SLIT3: variants seen among roughly 807,000 people sequenced by gnomAD.
SLIT3 encodes the protein slit homolog 3 protein.
Under a neutral mutation model 184.0 loss-of-function variants are expected in SLIT3, and 68 were observed. The observed-to-expected ratio is 0.37, with a 90% CI of 0.30 to 0.45. SLIT3 has a LOEUF of 0.45. Ranked by LOEUF, SLIT3 falls within the 20% of genes least tolerant of loss-of-function variation. The pLI is 1.00. For missense variants in SLIT3, 1,707 were observed against 2,026.0 expected, an observed-to-expected ratio of 0.84 and a Z score of 3.02; for synonymous variants, 831 against 828.6, an observed-to-expected ratio of 1.00 and a Z score of -0.05.
intron 25 of SLIT3, among the ~76,000 whole-genome samples, chr5:168,709,834 T>G (rs1294034426): frequency 6.6e-6 from 1 of 151,936 alleles, no homozygotes. Context: ...AAAAGGAGTT[T>G]TTTTTTTTTA....
intron 5 of SLIT3, among the ~76,000 whole-genome samples, chr5:168,846,404 C>G (rs1460186843): frequency 6.6e-6 from 1 of 152,088 alleles, no homozygotes; most frequent in Admixed American, 6.5e-5. Flanking sequence ...TGCTAAGCCT[C>G]TTTTTCATAG....
intron 4 of SLIT3, among the ~76,000 whole-genome samples, chr5:168,960,020 G>A (rs1475403428): frequency 2.0e-5 from 3 of 152,210 alleles, no homozygotes; most frequent in Non-Finnish European, 4.4e-5. Flanking sequence ...TCAGTCATGG[G>A]CAGGCAGGCT....
intron 14 of SLIT3, 50 bp downstream of exon 14, chr5:168,772,731 C>T (rs1438516337): frequency 6.2e-7 from 1 of 1,605,130 alleles, no homozygotes. Context: ...CTCTCTGGGG[C>T]TGCTGCATTC....
intron 4 of SLIT3, among the ~76,000 whole-genome samples, chr5:168,928,400 A>G (rs1007077271): frequency 6.6e-6 from 1 of 152,214 alleles, no homozygotes; most frequent in Non-Finnish European, 1.5e-5. Context: ...ATTATTTGAA[A>G]AACAGTTGTT....
At chr5:168,990,798 G>C (rs560110405) in intron 4 of SLIT3, among the ~76,000 whole-genome samples, 2 of 152,198 alleles carry the variant, frequency 1.3e-5, no homozygotes, top group Non-Finnish European at 2.9e-5. Context: ...CAGTCTGCAA[G>C]AACACGCTCC....
At chr5:169,263,715 C>T (rs1232404235) in intron 1 of SLIT3, 1 of 509,912 alleles carries the variant, frequency 2.0e-6, no homozygotes, top group South Asian at 1.4e-5. Context: ...GCAGCCTCCC[C>T]CAGCTGCTCC....
intron 4 of SLIT3, among the ~76,000 whole-genome samples, chr5:168,990,216 C>T (rs116818263): frequency 1.2e-3 from 188 of 152,322 alleles, no homozygotes; most frequent in African/African-American, 4.2e-3. Flanking sequence ...AGCATAGCCA[C>T]GAGCCACCTT....
Position 168,806,540 on chromosome 5 carries a change from G to A in SLIT3, c.841C>T (p.Pro281Ser), listed in dbSNP as rs771927308. The part of the protein sequence containing the change: ...PSCNANSISC[P>S]SPCTCSNNIV... ...TTATTGCTGCACGTGCAGGGCGAAG[G>A]GCAGGAGATGGAGTTGGCATTGCAG... Residue 281 changes from proline (P) to serine (S), a missense_variant, in exon 9 of 36, where the codon CCT becomes TCT. Pro to Ser is a moderately conservative substitution (Grantham distance 74, BLOSUM62 -1). Coordinates refer to ENST00000519560, the MANE Select transcript of SLIT3 (RefSeq NM_003062.4). 2.5e-6 allele frequency: 4 copies of A among 1,614,182 alleles called. No homozygotes were observed. The South Asian group carries it at 4.4e-5, about 18-fold the overall frequency.
At chr5:168,800,012 ATC>A (rs923050565) in intron 9 of SLIT3, among the ~76,000 whole-genome samples, 6 of 151,800 alleles carry the variant, frequency 4.0e-5, no homozygotes, top group African/African-American at 7.2e-5. Context: ...ACTCTTTCCC[ATC>A]TCTCTCAGCC....
chr5:168,938,142 A>G (rs77241477), intron 4 of SLIT3, among the ~76,000 whole-genome samples: 13,027 of 152,292 alleles, frequency 0.086, 1,270 homozygotes, highest in African/African-American at 0.24. Context: ...TTGGAGGAAG[A>G]GTGAACTTCT....
intron 1 of SLIT3, among the ~76,000 whole-genome samples, chr5:169,299,337 T>C (rs1767607386): frequency 6.6e-6 from 1 of 151,986 alleles, no homozygotes; most frequent in African/African-American, 2.4e-5. Flanking sequence ...GGTGGGGTGA[T>C]AGGAGGTGAC....
intron 5 of SLIT3, among the ~76,000 whole-genome samples, chr5:168,867,256 T>A (rs549442639): frequency 6.6e-6 from 1 of 152,144 alleles, no homozygotes; most frequent in Non-Finnish European, 1.5e-5. Context: ...TAAAAAACAA[T>A]TAGAGAAAAA....
intron 4 of SLIT3, among the ~76,000 whole-genome samples, chr5:169,110,818 T>C (rs1760383282): frequency 6.6e-6 from 1 of 152,214 alleles, no homozygotes; most frequent in African/African-American, 2.4e-5. Context: ...CAAACCCTTA[T>C]TCTACAGCCA....
Position 168,947,975 on chromosome 5 carries a change from G to A in SLIT3, c.414-64639C>T, listed in dbSNP as rs1762537572. Among the ~76,000 whole-genome samples, 6 of 130,816 alleles carry A rather than the reference G, an allele frequency of 4.6e-5. No homozygotes were observed. In the South Asian group the frequency reaches 1.4e-3, roughly 32 times the overall value. 85.8% of individuals were successfully genotyped at this position (130,816 alleles called of 152,430 possible). ...CCGGCTAATTTTTGTATTTTTAGTA[G>A]AGATGGGGGTCTCGCCATGTTGGCC... On this transcript the variant is annotated intron_variant, in intron 4 of 35. Coordinates refer to ENST00000519560, the MANE Select transcript of SLIT3 (RefSeq NM_003062.4).
chr5:169,181,797 C>T (rs981769890), intron 4 of SLIT3, among the ~76,000 whole-genome samples: 2 of 151,634 alleles, frequency 1.3e-5, no homozygotes, highest in African/African-American at 4.9e-5. Flanking sequence ...ATCCACAATA[C>T]AGTTTCACAA....
At chr5:168,871,407 C>T (rs932771095) in intron 5 of SLIT3, among the ~76,000 whole-genome samples, 4 of 151,970 alleles carry the variant, frequency 2.6e-5, no homozygotes, top group Admixed American at 6.6e-5. Context: ...CGGTTAATAG[C>T]GGAGCTGGGA....
intron 4 of SLIT3, among the ~76,000 whole-genome samples, chr5:169,071,781 C>T (rs190473221): frequency 6.6e-6 from 1 of 152,268 alleles, no homozygotes; most frequent in East Asian, 1.9e-4. Context: ...TGCTTGGCCT[C>T]TTGTTCAGGA....
At chr5:169,131,405 T>C (rs1294693689) in intron 4 of SLIT3, among the ~76,000 whole-genome samples, 2 of 152,146 alleles carry the variant, frequency 1.3e-5, no homozygotes, top group East Asian at 1.9e-4. Context: ...GACCCAGCAA[T>C]AGGTATTCTA....
At chr5:169,140,561 T>C (rs921597805) in intron 4 of SLIT3, among the ~76,000 whole-genome samples, 11 of 150,460 alleles carry the variant, frequency 7.3e-5, no homozygotes, top group African/African-American at 2.7e-4. Context: ...TCCTTAAACT[T>C]TGGGAGCCTG....
Sources: gnomAD v4.1 joint callset for allele counts (sites outside exome capture counted in the v4.1 genomes callset) on GRCh38, gnomAD v4.1.1 for gene constraint, MANE v1.5 for transcripts, NCBI Gene and HGNC (gene_info 2026-07-23, HGNC 2026-07-21) for gene names.